FRY: variants seen among roughly 807,000 people sequenced by gnomAD.
FRY encodes protein furry homolog.
In FRY, 128 loss-of-function variants were observed where a neutral mutation model predicts 348.4. The ratio of observed to expected loss-of-function variants is 0.37; its 90% CI spans 0.32 to 0.43. The LOEUF is 0.43. Among genes scored for constraint, FRY ranks in the 20% least tolerant of loss-of-function variants. FRY has a pLI of 1.00. For missense variants in FRY, 2,736 were observed against 3,695.2 expected (o/e 0.74, Z 6.73); for synonymous variants, 1,370 against 1,374.7 (o/e 1.00, Z 0.08).
At chr13:32,130,551 G>T (rs1200378558) in intron 7 of FRY, among the ~76,000 whole-genome samples, 2 of 151,340 alleles carry the variant, frequency 1.3e-5, no homozygotes, top group African/African-American at 2.4e-5. Flanking sequence ...ATTTCTATGT[G>T]TACATTTCTC....
At chr13:32,261,176 G>A (rs1887624077) in intron 51 of FRY, among the ~76,000 whole-genome samples, 1 of 152,206 alleles carries the variant, frequency 6.6e-6, no homozygotes, top group African/African-American at 2.4e-5. Flanking sequence ...ATTCTGGAAT[G>A]TGCTACAAGC....
At chr13:32,105,365 TG>T (rs1358807667) in intron 3 of FRY, among the ~76,000 whole-genome samples, 1 of 152,180 alleles carries the variant, frequency 6.6e-6, no homozygotes, top group African/African-American at 2.4e-5. Flanking sequence ...GCTGGTGACT[TG>T]ATCTTGGACT....
Position 32,173,106 on chromosome 13 carries a change from A to C in FRY, c.2152-261A>C, listed in dbSNP as rs931527999. 2.0e-5 allele frequency among the ~76,000 whole-genome samples: 3 copies of C among 152,254 alleles called. No homozygotes were observed. In the East Asian group the frequency reaches 5.8e-4, roughly 29 times the overall value. ...AGGAGTTGTGTTTTTATCAACATTA[A>C]TAGCCTTTGAAGAGTTATTTTTCAT... On this transcript the variant is annotated intron_variant, in intron 18 of 60. Coordinates refer to ENST00000542859, the MANE Select transcript of FRY (RefSeq NM_023037.3).
rs763704968 is a variant in FRY, at chr13:32,184,711, G to A, written c.3146+20G>A. ...TGACAGGTAGGATCAGAATTCTACC[G>A]AGTTGCTCTCTTCTCACCAGACTGA... On this transcript the variant is annotated intron_variant, in intron 25 of 60. Transcript: ENST00000542859. The A allele has an allele frequency of 2.3e-4, 303 of 1,341,998 alleles. No homozygotes were observed. The highest frequency in any genetic ancestry group is 2.4e-4 in the Non-Finnish European group (224 of 931,808). 83.1% of individuals were successfully genotyped at this position (1,341,998 alleles called of 1,614,324 possible).
intron 6 of FRY, 41 bp from the exon 7 acceptor site, chr13:32,124,754 T>C (rs538054797): frequency 3.2e-6 from 5 of 1,546,974 alleles, no homozygotes; most frequent in Admixed American, 1.7e-5. Flanking sequence ...TTTTTTCCGA[T>C]GACCAGGGAT....
intron 1 of FRY, among the ~76,000 whole-genome samples, chr13:32,036,155 T>G (rs1459307815): frequency 6.6e-6 from 1 of 152,200 alleles, no homozygotes; most frequent in Non-Finnish European, 1.5e-5. Flanking sequence ...AATTTCAGTT[T>G]TAACCTCTGT....
chr13:32,200,988 T>C (rs1005958343), intron 29 of FRY, among the ~76,000 whole-genome samples: 1 of 152,146 alleles, frequency 6.6e-6, no homozygotes, highest in Non-Finnish European at 1.5e-5. Context: ...GCCAGAGTGA[T>C]TCTTCAAAAG....
intron 1 of FRY, among the ~76,000 whole-genome samples, chr13:32,047,600 C>T (rs1316610493): frequency 7.4e-6 from 1 of 135,276 alleles, no homozygotes. Context: ...TGCAGAGTTT[C>T]ACTCTTGTTG....
intron 59 of FRY, among the ~76,000 whole-genome samples, chr13:32,291,628 C>T (rs574856031): frequency 6.6e-6 from 1 of 152,238 alleles, no homozygotes; most frequent in Non-Finnish European, 1.5e-5. Context: ...TGGTCTCAAA[C>T]TCCTGAGTTC....
intron 2 of FRY, among the ~76,000 whole-genome samples, chr13:32,096,763 A>C (rs1305919067): frequency 7.6e-6 from 1 of 131,508 alleles, no homozygotes; most frequent in African/African-American, 2.8e-5. Context: ...AGATCATGCC[A>C]CTGCCATTCA....
intron 54 of FRY, among the ~76,000 whole-genome samples, chr13:32,265,817 A>T (rs1162525133): frequency 6.6e-6 from 1 of 152,238 alleles, no homozygotes; most frequent in Non-Finnish European, 1.5e-5. Context: ...CAAAGAAAGA[A>T]CACTTACATA....
intron 41 of FRY, among the ~76,000 whole-genome samples, chr13:32,233,105 A>G (rs1337546943): frequency 1.3e-5 from 2 of 152,228 alleles, no homozygotes; most frequent in Non-Finnish European, 2.9e-5. Context: ...CGAGCAGCCT[A>G]CATGGGTTTA....
intron 29 of FRY, among the ~76,000 whole-genome samples, chr13:32,195,519 A>G (rs1051424274): frequency 1.3e-5 from 2 of 152,222 alleles, no homozygotes; most frequent in Non-Finnish European, 2.9e-5. Flanking sequence ...TTTGACAAAA[A>G]TAAGTTTCAC....
rs764783308 is a variant in FRY, at chr13:32,218,756, A to T, written c.4690A>T (p.Asn1564Tyr). Residue 1564 changes from asparagine (N) to tyrosine (Y), a missense_variant, in exon 36 of 61, where the codon AAT (asparagine) becomes TAT (tyrosine). Physicochemically the swap from Asn to Tyr is moderately radical, Grantham distance 143. This residue lies in a region of FRY where 794 missense variants were observed against 977.0 expected (regional missense o/e 0.81). Transcript: ENST00000542859. ...ILKESDERFS[N>Y]VIRAHTRLES... ...TTGTTCTTGTATTTGAAGGTTTAGT[A>T]ATGTCATCAGAGCCCACACTCGCCT... The T allele has an allele frequency of 6.3e-7, 1 of 1,580,892 alleles. No individual in the cohort carries two copies. The highest frequency in any genetic ancestry group is 8.7e-7 in the Non-Finnish European group (1 of 1,150,178).
intron 35 of FRY, among the ~76,000 whole-genome samples, chr13:32,214,854 T>C (rs1229663856): frequency 6.6e-6 from 1 of 152,138 alleles, no homozygotes; most frequent in Non-Finnish European, 1.5e-5. Flanking sequence ...TTCCACCATA[T>C]CCATTGTGAG....
chr13:32,116,280 A>G (rs139225490), intron 3 of FRY, among the ~76,000 whole-genome samples: 2,229 of 152,186 alleles, frequency 0.015, 31 homozygotes, highest in Non-Finnish European at 0.023. Flanking sequence ...ACTGCTCATC[A>G]ACTCTGGGCG....
intron 41 of FRY, among the ~76,000 whole-genome samples, chr13:32,233,735 T>G (rs548043013): frequency 6.6e-6 from 1 of 152,316 alleles, no homozygotes; most frequent in South Asian, 2.1e-4. Context: ...GAATAATATG[T>G]GAAAATAGCA....
intron 1 of FRY, among the ~76,000 whole-genome samples, chr13:32,040,900 A>G (rs1422869744): frequency 1.3e-5 from 2 of 152,244 alleles, no homozygotes; most frequent in Non-Finnish European, 2.9e-5. Context: ...GAAATACGAA[A>G]GGTCATAAGA....
intron 47 of FRY, among the ~76,000 whole-genome samples, chr13:32,246,691 C>T (rs1198266241): frequency 1.3e-5 from 2 of 152,182 alleles, no homozygotes; most frequent in African/African-American, 2.4e-5. Flanking sequence ...AGCCAAGACA[C>T]CAGTAAGGGG....
Sources: gnomAD v4.1 joint callset for allele counts (sites outside exome capture counted in the v4.1 genomes callset) on GRCh38, gnomAD v4.1.1 for gene constraint, gnomAD v4.1.1 regional missense constraint, MANE v1.5 for transcripts, NCBI Gene and HGNC (gene_info 2026-07-23, HGNC 2026-07-21) for gene names.